Variants in ZNF41 observed in about 807,000 individuals in gnomAD.
ZNF41 encodes zinc finger protein 41.
ZNF41 carries 6 observed loss-of-function variants against 9.3 expected under a neutral mutation model. The observed-to-expected ratio is 0.65, with a 90% CI of 0.35 to 1.28. The LOEUF is 1.28. ZNF41 is among the 50% of genes most tolerant of loss of function. The probability of loss-of-function intolerance (pLI) is 0.03; values close to 1 mark genes in which losing one functional copy is unlikely to be tolerated. For synonymous variants in ZNF41, 192 were observed against 207.1 expected (o/e 0.93, Z 0.63); for missense variants, 523 against 585.8 (o/e 0.89, Z 1.11).
At chrX:47,466,810 G>A (rs989229147) in intron 2 of ZNF41, among the ~76,000 whole-genome samples, 23 of 111,621 alleles carry the variant, frequency 2.1e-4, no homozygotes, top group African/African-American at 7.1e-4. Context: ...ATGAGCCACC[G>A]TGCCCGGCCA....
chrX:47,482,395 T>C (rs1022573831), intron 1 of ZNF41: 1 of 112,038 alleles, frequency 8.9e-6, no homozygotes, highest in Non-Finnish European at 1.9e-5. Flanking sequence ...GCTTGATCCA[T>C]GTCATAACAT....
At chrX:47,481,562 G>A (rs1215698082) in intron 1 of ZNF41, among the ~76,000 whole-genome samples, 1 of 111,410 alleles carries the variant, frequency 9.0e-6, no homozygotes. Context: ...TGGGAGGATC[G>A]ACTGAGCACA....
At position 47,447,219 on chromosome X, in the gene ZNF41, T is replaced by C. The variant is rs2056143525; in HGVS notation, c.*211A>G. The C allele has an allele frequency of 2.2e-6, 1 of 449,906 alleles. No homozygotes were observed. Among genetic ancestry groups the C allele is most frequent in the South Asian group, 3.3e-5 (1 of 30,245 alleles). 37.1% of individuals were successfully genotyped at this position (449,906 alleles called of 1,213,427 possible). On this transcript the variant is annotated 3_prime_UTR_variant, in exon 5 of 5. Transcript: ENST00000684689. The stretch of plus-strand genomic sequence containing the variant: ...ATGCTTTCTCTAAAGGCTCTTCCTA[T>C]GCATAGAATTGCATATACACTGTGG...
chrX:47,465,090 G>T (rs1045734293), intron 2 of ZNF41, among the ~76,000 whole-genome samples: 4 of 111,928 alleles, frequency 3.6e-5, no homozygotes, highest in Admixed American at 9.5e-5. Context: ...TTACTATGTT[G>T]CCCAGGCTGG....
At chrX:47,466,715 C>T (rs6608726) in intron 2 of ZNF41, among the ~76,000 whole-genome samples, 5 of 108,972 alleles carry the variant, frequency 4.6e-5, no homozygotes, top group African/African-American at 1.3e-4. Context: ...GATGGGGGTT[C>T]GCCACGTTGG....
intron 2 of ZNF41, among the ~76,000 whole-genome samples, chrX:47,466,933 T>C (rs986355470): frequency 1.8e-5 from 2 of 111,174 alleles, no homozygotes; most frequent in African/African-American, 6.5e-5. Context: ...TCTACCTAAA[T>C]CAGGATAGAG....
At chrX:47,464,873 CAGAA>C (rs1424766279) in intron 2 of ZNF41, among the ~76,000 whole-genome samples, 1 of 112,080 alleles carries the variant, frequency 8.9e-6, no homozygotes. Context: ...AATGACTTGA[CAGAA>C]AGATTTATTT....
chrX:47,465,186 G>T (rs902267973), intron 2 of ZNF41, among the ~76,000 whole-genome samples: 2 of 112,818 alleles, frequency 1.8e-5, no homozygotes, highest in Admixed American at 1.9e-4. Flanking sequence ...TGCCCAGCTG[G>T]CAGAAAGATT....
intron 2 of ZNF41, among the ~76,000 whole-genome samples, chrX:47,459,742 TAAAAAAA>T (rs768291943): frequency 2.5e-4 from 4 of 16,160 alleles, no homozygotes; most frequent in African/African-American, 5.1e-4. Flanking sequence ...AGACCCTATC[TAAAAAAA>T]AAAAAAAAAA....
Position 47,448,637 on chromosome X carries a change from G to C in ZNF41, c.1133C>G (p.Thr378Arg). Reference sequence around the variant, plus strand: ...ACTGCATTCATAAGGTTTTTCTCCTGTATGAATTCTCAGATGTCTAAAGAG... The same window carrying C: ...ACTGCATTCATAAGGTTTTTCTCCTCTATGAATTCTCAGATGTCTAAAGAG... The part of the protein sequence containing the change: ...SDLFRHLRIH[T>R]GEKPYECSEC... Residue 378 changes from threonine to arginine, a missense_variant, in exon 5 of 5, where the codon ACA becomes AGA. Physicochemically the swap from Thr to Arg is moderately conservative, Grantham distance 71. Transcript: ENST00000684689. 1.7e-6 allele frequency: 2 copies of C among 1,211,699 alleles called. No homozygotes were observed. Among genetic ancestry groups the C allele is most frequent in the Non-Finnish European group, 2.2e-6 (2 of 895,518 alleles).
chrX:47,480,991 C>A (rs1292286634), intron 1 of ZNF41, among the ~76,000 whole-genome samples: 1 of 111,026 alleles, frequency 9.0e-6, no homozygotes, highest in South Asian at 3.7e-4. Flanking sequence ...ACTCAGGTGA[C>A]AGCCTCTAAC....
intron 2 of ZNF41, among the ~76,000 whole-genome samples, chrX:47,459,764 A>AAAAG (rs1556836560): frequency 0.027 from 2,670 of 100,644 alleles, 210 homozygotes; most frequent in African/African-American, 0.11. Flanking sequence ...AAAAAAAAAA[A>AAAAG]AAAGAAAGAA....
At chrX:47,459,790 G>C (rs1481731649) in intron 2 of ZNF41, among the ~76,000 whole-genome samples, 1 of 102,997 alleles carries the variant, frequency 9.7e-6, no homozygotes, top group Non-Finnish European at 2.0e-5. Flanking sequence ...AGAAGACAAG[G>C]TTGTGTATAG....
chrX:47,478,500 C>T (rs756616460), intron 1 of ZNF41, among the ~76,000 whole-genome samples: 7 of 110,369 alleles, frequency 6.3e-5, no homozygotes, highest in Non-Finnish European at 9.5e-5. Context: ...GAGCGAGACT[C>T]TGTCACAACA....
intron 1 of ZNF41, among the ~76,000 whole-genome samples, chrX:47,477,601 T>C (rs187430506): frequency 1.2e-3 from 130 of 112,823 alleles, no homozygotes; most frequent in Non-Finnish European, 2.0e-3. Flanking sequence ...AGTTGCTTTT[T>C]CACAACTTAA....
chrX:47,467,193 T>TACACTGTCCACTGAA, intron 2 of ZNF41: 1 of 779,303 alleles, frequency 1.3e-6, no homozygotes, highest in Middle Eastern at 3.9e-4. Flanking sequence ...TCAGCCACAT[T>TACACTGTCCACTGAA]ACACTGTCCA....
intron 1 of ZNF41, among the ~76,000 whole-genome samples, chrX:47,476,339 C>T (rs781714402): frequency 4.5e-5 from 5 of 111,193 alleles, no homozygotes; most frequent in East Asian, 2.8e-4. Flanking sequence ...GGCAACAGAG[C>T]GAGACTCTGT....
chrX:47,458,691 C>T (rs901064715), intron 2 of ZNF41, among the ~76,000 whole-genome samples: 1 of 111,204 alleles, frequency 9.0e-6, no homozygotes, highest in African/African-American at 3.3e-5. Context: ...CTTTGTCACC[C>T]AGGCTAGGGT....
Position 47,448,947 on chromosome X carries a change from C to G in ZNF41, c.823G>C (p.Glu275Gln), listed in dbSNP as rs200971392. The G allele has an allele frequency of 1.7e-6, 2 of 1,211,455 alleles. No homozygotes were observed. The highest frequency in any genetic ancestry group is 3.5e-5 in the South Asian group (2 of 56,982). The stretch of plus-strand genomic sequence containing the variant: ...TTCTGAGTGAAGCCCATTACACATT[C>G]AGTACACACATAAAGCTTCTCCTCA... ...HPEEKLYVCT[E>Q]CVMGFTQKSH... Residue 275 changes from glutamate (E) to glutamine (Q), a missense_variant, in exon 5 of 5, where the codon GAA becomes CAA. Coordinates refer to ENST00000684689, the MANE Select transcript of ZNF41 (RefSeq NM_001324144.2).
Sources: allele counts gnomAD v4.1 joint callset (sites outside exome capture counted in the v4.1 genomes callset), GRCh38; gene constraint gnomAD v4.1.1; transcripts MANE v1.5; gene names NCBI Gene and HGNC (gene_info 2026-07-23, HGNC 2026-07-21).